PLXNA4: variants seen among roughly 807,000 people sequenced by gnomAD.
The protein encoded by PLXNA4 is plexin-A4.
PLXNA4 carries 44 observed loss-of-function variants against 191.8 expected under a neutral mutation model. That is an observed-to-expected ratio of 0.23 (90% CI 0.18 to 0.29). PLXNA4 has a LOEUF of 0.29. Ranked by LOEUF, PLXNA4 falls within the 10% of genes least tolerant of loss-of-function variation. The pLI is 1.00. For missense variants in PLXNA4, 1,800 were observed against 2,488.8 expected (o/e 0.72, Z 5.89); for synonymous variants, 1,082 against 1,009.5 (o/e 1.07, Z -1.36).
At chr7:132,581,272 G>T (rs919286996), upstream of PLXNA4, among the ~76,000 whole-genome samples, 2 of 152,230 alleles carry the variant, frequency 1.3e-5, no homozygotes, top group Non-Finnish European at 2.9e-5. Flanking sequence ...GAACATCCTT[G>T]TGTCACCACA....
chr7:132,416,079 G>GTGGC (rs1794649446), intron 3 of PLXNA4, among the ~76,000 whole-genome samples: 1 of 152,204 alleles, frequency 6.6e-6, no homozygotes, highest in Non-Finnish European at 1.5e-5. Context: ...GTAGTCCCAT[G>GTGGC]TGGCTGGTGG....
At chr7:132,375,828 A>G (rs1160815667) in intron 3 of PLXNA4, among the ~76,000 whole-genome samples, 2 of 152,218 alleles carry the variant, frequency 1.3e-5, no homozygotes, top group African/African-American at 4.8e-5. Context: ...GGAACAAAGC[A>G]CAAGTGGGGA....
At chr7:132,635,624 AG>A (rs1803588676) in intron 2 of PLXNA4, among the ~76,000 whole-genome samples, 2 of 152,182 alleles carry the variant, frequency 1.3e-5, no homozygotes, top group South Asian at 4.1e-4. Context: ...TCAGCTCCCC[AG>A]GACGGGCTCT....
At chr7:132,593,185 C>T (rs1436714347) in intron 2 of PLXNA4, among the ~76,000 whole-genome samples, 1 of 152,200 alleles carries the variant, frequency 6.6e-6, no homozygotes, top group Non-Finnish European at 1.5e-5. Flanking sequence ...AAGCTGTTTA[C>T]CCACACAATT....
At chr7:132,606,488 T>G (rs1802925616) in intron 2 of PLXNA4, among the ~76,000 whole-genome samples, 1 of 152,222 alleles carries the variant, frequency 6.6e-6, no homozygotes, top group African/African-American at 2.4e-5. Context: ...CTATACATTC[T>G]CATGCCACTC....
At chr7:132,428,830 A>G (rs959438026) in intron 3 of PLXNA4, among the ~76,000 whole-genome samples, 1 of 152,208 alleles carries the variant, frequency 6.6e-6, no homozygotes, top group African/African-American at 2.4e-5. Context: ...AGGAAGAATT[A>G]CATAATTACA....
At chr7:132,401,490 T>C (rs145162135) in intron 3 of PLXNA4, among the ~76,000 whole-genome samples, 20 of 152,338 alleles carry the variant, frequency 1.3e-4, no homozygotes, top group African/African-American at 4.6e-4. Context: ...ACAATCAGCA[T>C]GTGATACAGT....
rs369269914 is a variant in PLXNA4 at position 132,537,346 on chromosome 7, G to A, written c.-86-28567C>T. Among the ~76,000 whole-genome samples, 72 of 152,346 alleles carry A rather than the reference G, an allele frequency of 4.7e-4. 1 individual carries two copies. Among genetic ancestry groups the A allele is most frequent in the African/African-American group, 1.5e-3 (62 of 41,584 alleles). On this transcript the variant is annotated intron_variant, in intron 1 of 31. Coordinates refer to ENST00000321063, the MANE Select transcript of PLXNA4 (RefSeq NM_020911.2). Reference sequence around the variant, plus strand: ...GCTGTGTCTGGCACCTACCAAGCACGACAAATGAAAACTTTGGTGGAATTA... The same window carrying A: ...GCTGTGTCTGGCACCTACCAAGCACAACAAATGAAAACTTTGGTGGAATTA...
chr7:132,353,370 A>G (rs1803567453), intron 3 of PLXNA4, among the ~76,000 whole-genome samples: 2 of 152,126 alleles, frequency 1.3e-5, no homozygotes, highest in South Asian at 4.1e-4. Flanking sequence ...GTATAAACTT[A>G]GCATCAGTGC....
At chr7:132,575,231 C>T (rs1802169457) in intron 1 of PLXNA4, among the ~76,000 whole-genome samples, 1 of 152,194 alleles carries the variant, frequency 6.6e-6, no homozygotes, top group Non-Finnish European at 1.5e-5. Flanking sequence ...CCTACCTCCT[C>T]CAGAAAAAGT....
At chr7:132,222,358 A>G (rs1226963815) in intron 9 of PLXNA4, among the ~76,000 whole-genome samples, 1 of 152,190 alleles carries the variant, frequency 6.6e-6, no homozygotes, top group Non-Finnish European at 1.5e-5. Flanking sequence ...TATAATAAAC[A>G]GCTTCTCTCC....
intron 3 of PLXNA4, among the ~76,000 whole-genome samples, chr7:132,419,809 A>G (rs569839450): frequency 7.9e-5 from 12 of 152,264 alleles, no homozygotes; most frequent in Non-Finnish European, 1.8e-4. Flanking sequence ...GACAGCTGCC[A>G]CAGACAATAC....
chr7:132,605,590 G>GTT (rs776501870), intron 2 of PLXNA4, among the ~76,000 whole-genome samples: 2 of 152,070 alleles, frequency 1.3e-5, no homozygotes, highest in Non-Finnish European at 2.9e-5. Flanking sequence ...GGCAGAGTTG[G>GTT]AACTTGGTTT....
chr7:132,636,947 A>G (rs897165200), intron 2 of PLXNA4, among the ~76,000 whole-genome samples: 21 of 152,110 alleles, frequency 1.4e-4, no homozygotes, highest in African/African-American at 4.8e-4. Context: ...TGCTCCATCC[A>G]GCTCCCCCAA....
intron 13 of PLXNA4, among the ~76,000 whole-genome samples, chr7:132,197,281 A>C (rs576327792): frequency 1.4e-4 from 22 of 152,312 alleles, no homozygotes; most frequent in African/African-American, 5.1e-4. Flanking sequence ...CAGGGAGTTA[A>C]CCAGCATCAA....
chr7:132,425,512 C>G (rs1007401630), intron 3 of PLXNA4, among the ~76,000 whole-genome samples: 1 of 152,064 alleles, frequency 6.6e-6, no homozygotes, highest in African/African-American at 2.4e-5. Flanking sequence ...GCTCCTCCTC[C>G]CCTTCCTCAC....
At position 132,127,964 on chromosome 7, in the gene PLXNA4, CTTGT is replaced by C. The variant is rs563549462; in HGVS notation, c.*2511_*2514del. 1.3e-4 allele frequency: 13 copies of C among 98,220 alleles called. No individual in the cohort carries two copies. Among genetic ancestry groups the C allele is most frequent in the Admixed American group, 7.0e-4 (6 of 8,558 alleles). 6.1% of individuals were successfully genotyped at this position (98,220 alleles called of 1,614,324 possible). On this transcript the variant is annotated 3_prime_UTR_variant, in exon 32 of 32. Transcript: ENST00000321063. ...AAGTCTTTTTTCTTTTTTTTTTCTG[CTTGT>C]TTGATTTTTTCTCTTAACTGTGCAA...
At chr7:132,316,493 T>C (rs565090568) in intron 3 of PLXNA4, among the ~76,000 whole-genome samples, 2 of 152,320 alleles carry the variant, frequency 1.3e-5, no homozygotes, top group South Asian at 4.1e-4. Flanking sequence ...AGGCTAAGAT[T>C]TTAAAACATA....
chr7:132,514,433 G>A (rs1036058194), intron 1 of PLXNA4, among the ~76,000 whole-genome samples: 5 of 152,088 alleles, frequency 3.3e-5, no homozygotes, highest in Non-Finnish European at 7.4e-5. Flanking sequence ...TGGGTCCCTG[G>A]GATGGTTAAT....
Sources: gnomAD v4.1 joint callset for allele counts (sites outside exome capture counted in the v4.1 genomes callset) on GRCh38, gnomAD v4.1.1 for gene constraint, MANE v1.5 for transcripts, NCBI Gene and HGNC (gene_info 2026-07-23, HGNC 2026-07-21) for gene names.